LRRC4C: variants seen among roughly 807,000 people sequenced by gnomAD.
LRRC4C encodes leucine rich repeat containing 4C, also known as leucine-rich repeat-containing protein 4C.
Under a neutral mutation model 33.6 loss-of-function variants are expected in LRRC4C, and 5 were observed. The observed-to-expected ratio is 0.15, with a 90% CI of 0.08 to 0.31. The LOEUF (loss-of-function observed/expected upper bound fraction) is 0.31, where lower values mean the gene tolerates loss of function less well. Ranked by LOEUF, LRRC4C falls within the 10% of genes least tolerant of loss-of-function variation. The pLI, the probability that LRRC4C is intolerant of heterozygous loss-of-function variation, is 1.00. For synonymous variants in LRRC4C, 329 were observed against 302.0 expected, an observed-to-expected ratio of 1.09 and a Z score of -0.93; for missense variants, 560 against 796.7, an observed-to-expected ratio of 0.70 and a Z score of 3.58.
intron 2 of LRRC4C, among the ~76,000 whole-genome samples, chr11:40,875,776 G>A (rs766310136): frequency 4.6e-5 from 7 of 152,008 alleles, no homozygotes; most frequent in East Asian, 1.9e-4. Context: ...GGACGGTTTC[G>A]GGATGACTCA....
intron 1 of LRRC4C, among the ~76,000 whole-genome samples, chr11:41,325,595 G>T (rs1353737841): frequency 2.1e-5 from 3 of 142,896 alleles, no homozygotes; most frequent in Admixed American, 7.1e-5. Flanking sequence ...GTGTGTGTGT[G>T]TGTGTGTGTG....
intron 3 of LRRC4C, among the ~76,000 whole-genome samples, chr11:40,385,417 G>A (rs1035599929): frequency 6.6e-6 from 1 of 152,258 alleles, no homozygotes; most frequent in South Asian, 2.1e-4. Flanking sequence ...TATGTCAAAT[G>A]ATTAGGATTC....
At chr11:40,432,146 TGGG>T (rs1375029822) in intron 3 of LRRC4C, among the ~76,000 whole-genome samples, 1 of 152,076 alleles carries the variant, frequency 6.6e-6, no homozygotes, top group Non-Finnish European at 1.5e-5. Flanking sequence ...GATACCTTGA[TGGG>T]CTTATATCCT....
chr11:40,663,790 C>T (rs927987593), intron 2 of LRRC4C, among the ~76,000 whole-genome samples: 1 of 152,046 alleles, frequency 6.6e-6, no homozygotes. Context: ...TTAAAAATGA[C>T]GGAACTAAAA....
At chr11:40,780,158 C>T (rs888041912) in intron 2 of LRRC4C, among the ~76,000 whole-genome samples, 4 of 151,948 alleles carry the variant, frequency 2.6e-5, no homozygotes, top group East Asian at 1.9e-4. Context: ...AAAAAGGTAC[C>T]TTGAGTATTC....
At chr11:40,449,857 G>C (rs1951808028) in intron 3 of LRRC4C, among the ~76,000 whole-genome samples, 1 of 152,158 alleles carries the variant, frequency 6.6e-6, no homozygotes, top group Admixed American at 6.6e-5. Context: ...GTGAAAGCTT[G>C]CTATCTGGAG....
chr11:41,026,198 C>T (rs1051850492), intron 1 of LRRC4C, among the ~76,000 whole-genome samples: 1 of 151,664 alleles, frequency 6.6e-6, no homozygotes, highest in African/African-American at 2.4e-5. Context: ...AAAGGATTTA[C>T]TATTCTAGAT....
intron 3 of LRRC4C, among the ~76,000 whole-genome samples, chr11:40,546,813 A>G (rs1230681885): frequency 6.6e-6 from 1 of 152,112 alleles, no homozygotes; most frequent in Non-Finnish European, 1.5e-5. Context: ...ACCATTTTAA[A>G]GATGGAAAAA....
intron 2 of LRRC4C, among the ~76,000 whole-genome samples, chr11:40,784,909 A>G (rs1205509104): frequency 1.3e-5 from 2 of 152,166 alleles, no homozygotes; most frequent in African/African-American, 4.8e-5. Flanking sequence ...AAGAAGAAAA[A>G]AAGTATTAAT....
At chr11:40,515,657 A>G (rs1381077743) in intron 3 of LRRC4C, among the ~76,000 whole-genome samples, 1 of 152,042 alleles carries the variant, frequency 6.6e-6, no homozygotes, top group Non-Finnish European at 1.5e-5. Context: ...AGACTGTAAG[A>G]CTTAGTAGGT....
intron 1 of LRRC4C, among the ~76,000 whole-genome samples, chr11:41,379,684 T>C (rs1953070150): frequency 6.6e-6 from 1 of 152,080 alleles, no homozygotes; most frequent in Non-Finnish European, 1.5e-5. Context: ...CCATTTTCTT[T>C]TGGATTTGTT....
intron 6 of LRRC4C, among the ~76,000 whole-genome samples, chr11:40,133,091 G>A (rs1265874333): frequency 6.6e-6 from 1 of 152,126 alleles, no homozygotes; most frequent in African/African-American, 2.4e-5. Context: ...TTGGTAATGC[G>A]GTTAATAGCC....
chr11:40,305,056 C>A (rs2136695665), intron 4 of LRRC4C, among the ~76,000 whole-genome samples: 1 of 152,312 alleles, frequency 6.6e-6, no homozygotes, highest in African/African-American at 2.4e-5. Flanking sequence ...TCAACCTTAT[C>A]CCACATTTCC....
At chr11:40,994,349 G>A (rs1296762285) in intron 1 of LRRC4C, among the ~76,000 whole-genome samples, 1 of 152,072 alleles carries the variant, frequency 6.6e-6, no homozygotes, top group African/African-American at 2.4e-5. Flanking sequence ...TTCCCCTGAC[G>A]GAGAGTTGGC....
chr11:41,101,805 T>TA (rs1209934602), intron 1 of LRRC4C, among the ~76,000 whole-genome samples: 5 of 151,586 alleles, frequency 3.3e-5, no homozygotes, highest in African/African-American at 9.7e-5. Flanking sequence ...ATCACAGCCA[T>TA]AAAAAAAGAG....
intron 4 of LRRC4C, chr11:40,293,402 C>G (rs952042706): frequency 1.3e-5 from 2 of 152,038 alleles, no homozygotes; most frequent in African/African-American, 4.8e-5. Flanking sequence ...CGGTCGGGGC[C>G]GGGATCACGG....
At chr11:40,841,547 CT>C in intron 2 of LRRC4C, among the ~76,000 whole-genome samples, 1 of 152,288 alleles carries the variant, frequency 6.6e-6, no homozygotes, top group South Asian at 2.1e-4. Context: ...TAGGGAAAGG[CT>C]GCTTGAGGAC....
At chr11:40,479,464 T>G (rs1953427049) in intron 3 of LRRC4C, among the ~76,000 whole-genome samples, 1 of 152,068 alleles carries the variant, frequency 6.6e-6, no homozygotes, top group Non-Finnish European at 1.5e-5. Context: ...AATTACAGAT[T>G]ATTTTGAGAG....
chr11:40,187,510 G>A (rs1285219145), intron 5 of LRRC4C, among the ~76,000 whole-genome samples: 2 of 151,884 alleles, frequency 1.3e-5, no homozygotes, highest in Non-Finnish European at 2.9e-5. Flanking sequence ...GCCCACAGAG[G>A]TGCCTCTGAT....
Sources: gnomAD v4.1 joint callset for allele counts (sites outside exome capture counted in the v4.1 genomes callset) on GRCh38, gnomAD v4.1.1 for gene constraint, MANE v1.5 for transcripts, NCBI Gene and HGNC (gene_info 2026-07-23, HGNC 2026-07-21) for gene names.